Variants in HTT observed in about 807,000 individuals in gnomAD.
HTT encodes huntingtin.
HTT carries 104 observed loss-of-function variants against 362.3 expected under a neutral mutation model. The observed-to-expected ratio is 0.29, with a 90% confidence interval of 0.24 to 0.34. HTT has a LOEUF of 0.34. Among genes scored for constraint, HTT ranks in the 10% least tolerant of loss-of-function variants. HTT has a pLI of 1.00. For synonymous variants in HTT, 1,577 were observed against 1,548.7 expected (o/e 1.02, Z -0.43); for missense variants, 3,301 against 3,928.6 (o/e 0.84, Z 4.27).
At chr4:3,142,919 T>C (rs375458905) in intron 23 of HTT, 33 bp downstream of exon 23, 18 of 1,595,740 alleles carry the variant, frequency 1.1e-5, no homozygotes, top group Admixed American at 3.4e-5. Flanking sequence ...CTTACTGACA[T>C]TGTAATAGTT....
chr4:3,155,397 A>G (rs986638287), intron 27 of HTT, among the ~76,000 whole-genome samples: 89 of 149,892 alleles, frequency 5.9e-4, no homozygotes, highest in African/African-American at 1.9e-3. Flanking sequence ...AATTTTTTGT[A>G]TTTTTTATTA....
chr4:3,095,044 T>G (rs1713770783), intron 2 of HTT, among the ~76,000 whole-genome samples: 3 of 137,148 alleles, frequency 2.2e-5, no homozygotes, highest in African/African-American at 5.6e-5. Flanking sequence ...CTTCCCAGAC[T>G]GGGCAGCCAG....
At chr4:3,188,808 G>A in intron 39 of HTT, 143 bp from the exon 40 acceptor site, 1 of 737,990 alleles carries the variant, frequency 1.4e-6, no homozygotes, top group Non-Finnish European at 2.2e-6. Context: ...CACGGCGACG[G>A]CGCTCTGCAT....
At chr4:3,219,014 C>G (rs1267610058) in intron 52 of HTT, among the ~76,000 whole-genome samples, 1 of 152,202 alleles carries the variant, frequency 6.6e-6, no homozygotes. Flanking sequence ...TTGTTTGATC[C>G]TGAGAGATAA....
In HTT at chr4:3,103,885, T is replaced by A; in HGVS notation, c.528+2T>A. On this transcript the variant is annotated splice_donor_variant, in intron 4 of 66. Transcript: ENST00000355072. LOFTEE classifies it high-confidence loss of function. The stretch of plus-strand genomic sequence containing the variant: ...GAGCTCTATAAGGAAATTAAAAAGG[T>A]GGGCCTTGCTTTTCTTTTTTAAAAA... 1 of 1,581,840 alleles carries A rather than the reference T, an allele frequency of 6.3e-7. No individual in the cohort carries two copies. Among genetic ancestry groups the A allele is most frequent in the Non-Finnish European group, 8.7e-7 (1 of 1,154,662 alleles).
intron 30 of HTT, 126 bp from the exon 31 acceptor site, chr4:3,172,782 G>T: frequency 2.8e-6 from 2 of 722,350 alleles, no homozygotes; most frequent in Non-Finnish European, 4.9e-6. Flanking sequence ...TTCACAGGAA[G>T]AATTTCACGC....
chr4:3,229,246 G>A (rs2798231), intron 59 of HTT, among the ~76,000 whole-genome samples: 36,741 of 130,058 alleles, frequency 0.28, 4,751 homozygotes, highest in Middle Eastern at 0.47. Flanking sequence ...ACACACACAC[G>A]CCACACCACA....
intron 29 of HTT, among the ~76,000 whole-genome samples, chr4:3,166,423 G>T (rs144790223): frequency 6.6e-6 from 1 of 152,214 alleles, no homozygotes; most frequent in Admixed American, 6.5e-5. Context: ...CTTGAATGCC[G>T]TACCGGGAGA....
At chr4:3,181,590 G>A (rs1718528147) in intron 36 of HTT, among the ~76,000 whole-genome samples, 1 of 152,034 alleles carries the variant, frequency 6.6e-6, no homozygotes, top group African/African-American at 2.4e-5. Context: ...GTTTGTCTTT[G>A]AATCTTCATA....
intron 29 of HTT, among the ~76,000 whole-genome samples, chr4:3,167,572 T>G (rs1048491353): frequency 2.6e-5 from 4 of 151,606 alleles, no homozygotes; most frequent in African/African-American, 7.3e-5. Context: ...TGTATGTGGG[T>G]TTTTTTTTAA....
At chr4:3,104,370 G>A (rs1196406782) in intron 4 of HTT, among the ~76,000 whole-genome samples, 2 of 151,998 alleles carry the variant, frequency 1.3e-5, no homozygotes, top group Non-Finnish European at 2.9e-5. Context: ...AGCATTTTGG[G>A]AGGCTGAGGC....
Position 3,239,895 on chromosome 4 carries a change from A to T in HTT, c.9265A>T (p.Asn3089Tyr). The T allele has an allele frequency of 1.3e-6, 2 of 1,572,274 alleles. No homozygotes were observed. Among genetic ancestry groups the T allele is most frequent in the Non-Finnish European group, 1.7e-6 (2 of 1,157,748 alleles). The change falls in exon 67 of 67, where the codon AAC (asparagine) becomes TAC (tyrosine). Residue 3089 changes from asparagine to tyrosine, a missense_variant. Transcript: ENST00000355072. ...RMGKLEQVDV[N>Y]LFCLVATDFY... The stretch of plus-strand genomic sequence containing the variant: ...GGGCAAGCTGGAGCAGGTGGACGTG[A>T]ACCTTTTCTGCCTGGTCGCCACAGA...
chr4:3,213,008 T>C (rs1201969843), intron 49 of HTT: 2 of 330,650 alleles, frequency 6.0e-6, no homozygotes, highest in Admixed American at 4.2e-5. Context: ...AAGTACTTTA[T>C]GTCTTAAGTT....
At position 3,192,065 on chromosome 4, in the gene HTT, A is replaced by G. The variant is rs76277040; in HGVS notation, c.5368+2972A>G. ...TCTGCTTTCTTCTTTTCATTTATAT[A>G]ATTTTTAAATTTTATTTTAAAGATA... On this transcript the variant is annotated intron_variant, in intron 40 of 66. Transcript: ENST00000355072. 2.5e-3 allele frequency among the ~76,000 whole-genome samples: 377 copies of G among 152,132 alleles called. 10 individuals are homozygous for G. The East Asian group carries it at 0.065, about 26-fold the overall frequency.
At chr4:3,224,835 G>A (rs779427220) in intron 56 of HTT, among the ~76,000 whole-genome samples, 7 of 152,214 alleles carry the variant, frequency 4.6e-5, no homozygotes, top group South Asian at 2.1e-4. Context: ...TTATTAGGGC[G>A]TTGAAGTAAA....
At chr4:3,235,962 G>A (rs1007172948) in intron 63 of HTT, among the ~76,000 whole-genome samples, 184 bp downstream of exon 63, 3 of 152,230 alleles carry the variant, frequency 2.0e-5, no homozygotes, top group African/African-American at 7.2e-5. Context: ...ACCTGGTCAG[G>A]GTTGACCGTC....
At chr4:3,097,087 C>G (rs1713893640) in intron 2 of HTT, among the ~76,000 whole-genome samples, 1 of 152,116 alleles carries the variant, frequency 6.6e-6, no homozygotes, top group Non-Finnish European at 1.5e-5. Flanking sequence ...CCACTGTGTT[C>G]CATCCTGGGC....
At position 3,107,421 on chromosome 4, in the gene HTT, A is replaced by G. The variant is rs1359423552; in HGVS notation, c.745A>G (p.Lys249Glu). ...FGNFANDNEI[K>E]VLLKAFIANL... ...CAATTTTGCAAATGACAATGAAATTAAGGTATGATTGTTGCCTCAGGTCAC... is the reference window on the plus strand; with the variant it reads ...CAATTTTGCAAATGACAATGAAATTGAGGTATGATTGTTGCCTCAGGTCAC... Residue 249 changes from lysine (K) to glutamate (E), a missense_variant and splice_region_variant, in exon 6 of 67, where the codon AAG becomes GAG. Physicochemically the swap from Lys to Glu is moderately conservative, Grantham distance 56. Coordinates refer to ENST00000355072, the MANE Select transcript of HTT (RefSeq NM_001388492.1). 1 of 1,614,172 alleles carries G rather than the reference A, an allele frequency of 6.2e-7. No individual in the cohort carries two copies. Among genetic ancestry groups the G allele is most frequent in the Non-Finnish European group, 8.5e-7 (1 of 1,180,006 alleles).
chr4:3,170,242 G>T (rs913217738), intron 29 of HTT, among the ~76,000 whole-genome samples: 9 of 151,966 alleles, frequency 5.9e-5, no homozygotes, highest in Non-Finnish European at 1.3e-4. Flanking sequence ...TACTCTTTTG[G>T]GTCTTGCTTT....
Sources: allele counts gnomAD v4.1 joint callset (sites outside exome capture counted in the v4.1 genomes callset), GRCh38; gene constraint gnomAD v4.1.1; transcripts MANE v1.5; gene names NCBI Gene and HGNC (gene_info 2026-07-23, HGNC 2026-07-21).